RIF1: variants seen among roughly 807,000 people sequenced by gnomAD.
RIF1 encodes telomere-associated protein RIF1.
In RIF1, 45 loss-of-function variants were observed where a neutral mutation model predicts 247.1. The ratio of observed to expected loss-of-function variants is 0.18; its 90% confidence interval spans 0.14 to 0.23. The LOEUF (loss-of-function observed/expected upper bound fraction) is 0.23, where lower values mean the gene tolerates loss of function less well. RIF1 is among the 10% of genes least tolerant of loss of function. RIF1 has a pLI of 1.00. For missense variants in RIF1, 2,967 were observed against 2,862.5 expected, an observed-to-expected ratio of 1.04 and a Z score of -0.83; for synonymous variants, 1,087 against 978.8, an observed-to-expected ratio of 1.11 and a Z score of -2.06.
At chr2:151,499,431 TCAAAACAGCC>T in exon 11 of RIF1, 1 of 1,115,406 alleles carries the variant, frequency 9.0e-7, no homozygotes, top group Non-Finnish European at 1.3e-6. Flanking sequence ...ACAAGAGCAG[TCAAAACAGCC>T]CTTTCATCTA....
Position 151,466,080 on chromosome 2 carries a change from AAAG to A in RIF1, c.6562_6564del (p.Arg2188del). ...ACGAGCATTTTAAAGAGAGGACTAA[AAAG>A]ATCCCAAGAAGATGAAATCTCATCA... On this transcript the variant is annotated inframe_deletion, in exon 30 of 36. Transcript: ENST00000444746. 1 of 1,600,330 alleles carries A rather than the reference AAAG, an allele frequency of 6.2e-7. No individual in the cohort carries two copies. Among genetic ancestry groups the A allele is most frequent in the African/African-American group, 1.3e-5 (1 of 74,330 alleles).
intron 11 of RIF1, chr2:151,501,352 A>AT (rs2064385090): frequency 3.1e-6 from 4 of 1,301,558 alleles, no homozygotes; most frequent in Non-Finnish European, 3.3e-6. Context: ...AGAAATTATT[A>AT]TTTTTTAATA....
Position 151,443,594 on chromosome 2 carries a change from T to C in RIF1, c.1871T>C (p.Phe624Ser). ...TCTGGTCCAACTTCACCACTAGCTT[T>C]CAGTGACTCAGTTTTAAATGTTATT... ...VLSGPTSPLA[F>S]SDSVLNVINQ... The change falls in exon 18 of 36, where the codon TTC becomes TCC. Residue 624 changes from phenylalanine (F) to serine (S), a missense_variant. This residue lies in a region of RIF1 where 369 missense variants were observed against 322.0 expected (regional missense o/e 1.15). Coordinates refer to ENST00000444746, the MANE Select transcript of RIF1 (RefSeq NM_018151.5). 6.2e-7 allele frequency: 1 copy of C among 1,612,382 alleles called. No homozygotes were observed. Among genetic ancestry groups the C allele is most frequent in the Non-Finnish European group, 8.5e-7 (1 of 1,179,414 alleles).
chr2:151,447,992 C>T (rs971641271), intron 20 of RIF1, among the ~76,000 whole-genome samples: 7 of 152,000 alleles, frequency 4.6e-5, no homozygotes, highest in Non-Finnish European at 7.4e-5. Context: ...TAGCTTATAT[C>T]TAACACATAT....
At chr2:151,515,066 G>C in the RIF1 span, 1 of 625,310 alleles carries the variant, frequency 1.6e-6, no homozygotes, top group East Asian at 2.7e-5. Context: ...TCACACATTT[G>C]AAACATGTAT....
rs185862134 is a variant in RIF1 at position 151,503,242 on chromosome 2, G to C, written c.*861+57G>C. ...CAGGTAATAATACACAACACACACA[G>C]ACACACACAGAATTGCTGTTAAGAT... On this transcript the variant is annotated intron_variant and NMD_transcript_variant, in intron 12 of 13. Transcript: ENST00000454583. 6.4e-5 allele frequency: 52 copies of C among 809,614 alleles called. No individual in the cohort carries two copies. In the East Asian group the frequency reaches 7.3e-4, roughly 11 times the overall value. 50.2% of individuals were successfully genotyped at this position (809,614 alleles called of 1,614,324 possible).
chr2:151,465,597 T>A lies in RIF1; in HGVS notation c.6077T>A (p.Ile2026Asn), dbSNP rs751848840. 1.2e-6 allele frequency: 2 copies of A among 1,613,856 alleles called. No individual in the cohort carries two copies. The highest frequency in any genetic ancestry group is 8.5e-7 in the Non-Finnish European group (1 of 1,179,878). ...ATGAAAAATAATGAAGAAATGATGA[T>A]CGGCGAGGCAATGGCTGAAACTGGC... is the stretch of plus-strand genomic sequence containing the variant. ...TKMKNNEEMM[I>N]GEAMAETGHD... Residue 2026 changes from isoleucine (I) to asparagine (N), a missense_variant, in exon 30 of 36, where the codon ATC becomes AAC. Ile to Asn is a moderately radical substitution (Grantham distance 149). Coordinates refer to ENST00000444746, the MANE Select transcript of RIF1 (RefSeq NM_018151.5).
intron 10 of RIF1, among the ~76,000 whole-genome samples, chr2:151,498,546 G>A (rs2061927947): frequency 6.6e-6 from 1 of 152,132 alleles, no homozygotes; most frequent in South Asian, 2.1e-4. Flanking sequence ...GGAAAGAGCA[G>A]CAAAAACTAA....
chr2:151,462,512 C>G (rs372811434), intron 29 of RIF1, 46 bp downstream of exon 29: 13 of 1,232,548 alleles, frequency 1.1e-5, no homozygotes, highest in African/African-American at 6.1e-5. Context: ...ATCACCCTTC[C>G]ATTATACAGT....
chr2:151,453,979 T>G (rs1694787148), intron 21 of RIF1, among the ~76,000 whole-genome samples: 1 of 152,210 alleles, frequency 6.6e-6, no homozygotes, highest in Non-Finnish European at 1.5e-5. Flanking sequence ...ACTTGATCAT[T>G]CACTTGTATG....
At chr2:151,469,110 A>G (rs892856492) in intron 33 of RIF1, among the ~76,000 whole-genome samples, 1 of 152,014 alleles carries the variant, frequency 6.6e-6, no homozygotes, top group Non-Finnish European at 1.5e-5. Context: ...CATCACATGT[A>G]AGAAGCATGA....
chr2:151,454,804 A>T (rs1694929239), intron 21 of RIF1, 91 bp from the exon 22 acceptor site: 1 of 939,148 alleles, frequency 1.1e-6, no homozygotes, highest in Non-Finnish European at 1.6e-6. Context: ...TGTATCTAAC[A>T]TTTAAATGTG....
At chr2:151,462,587 A>G (rs1696354545) in intron 29 of RIF1, 121 bp downstream of exon 29, 1 of 672,110 alleles carries the variant, frequency 1.5e-6, no homozygotes, top group African/African-American at 1.9e-5. Flanking sequence ...TTGTAGATTT[A>G]TTGTATGATT....
At chr2:151,422,600 A>G (rs1044982976) in intron 7 of RIF1, among the ~76,000 whole-genome samples, 3 of 151,836 alleles carry the variant, frequency 2.0e-5, no homozygotes, top group African/African-American at 7.3e-5. Context: ...CCCAGGTTCA[A>G]GCAATTCTCA....
intron 10 of RIF1, chr2:151,497,385 C>CATT: frequency 2.0e-6 from 2 of 979,178 alleles, no homozygotes; most frequent in South Asian, 4.7e-5. Context: ...CTGAAAAACT[C>CATT]ATTATTTTAA....
At chr2:151,433,423 C>A (rs927660118) in intron 10 of RIF1, among the ~76,000 whole-genome samples, 195 bp downstream of exon 10, 2 of 151,992 alleles carry the variant, frequency 1.3e-5, no homozygotes, top group African/African-American at 4.8e-5. Flanking sequence ...TGAAATGGAG[C>A]CCCTTTACCT....
Position 151,455,017 on chromosome 2 carries a change from C to T in RIF1, c.2467C>T (p.His823Tyr). The T allele has an allele frequency of 6.2e-7, 1 of 1,613,936 alleles. No individual in the cohort carries two copies. Among genetic ancestry groups the T allele is most frequent in the South Asian group, 1.1e-5 (1 of 91,078 alleles). Residue 823 changes from histidine to tyrosine, a missense_variant, in exon 22 of 36, where the codon CAT becomes TAT. Around this residue, in one of 7 missense-constraint regions of RIF1, gnomAD observed 2,028 missense variants for 1,825.6 expected, o/e 1.11. Coordinates refer to ENST00000444746, the MANE Select transcript of RIF1 (RefSeq NM_018151.5). ...SFHTLSFKEA[H>Y]SDTLFTIGNS... ...CCACACACTGAGCTTCAAGGAAGCACATTCTGATACCCTCTTCACTATTGG... is the reference window on the plus strand; with the variant it reads ...CCACACACTGAGCTTCAAGGAAGCATATTCTGATACCCTCTTCACTATTGG...
chr2:151,523,475 G>A, the RIF1 span, among the ~76,000 whole-genome samples: 2 of 152,190 alleles, frequency 1.3e-5, no homozygotes, highest in Non-Finnish European at 2.9e-5. Context: ...ACAGATACCT[G>A]AGAGGACAAG....
At chr2:151,506,289 A>G (rs1008569123) in exon 13 of RIF1, 1 of 1,531,362 alleles carries the variant, frequency 6.5e-7, no homozygotes, top group East Asian at 2.3e-5. Flanking sequence ...CAGTGTTAAC[A>G]CAGAAGAAAA....
Sources: gnomAD v4.1 joint callset for allele counts (sites outside exome capture counted in the v4.1 genomes callset) on GRCh38, gnomAD v4.1.1 for gene constraint, gnomAD v4.1.1 regional missense constraint, MANE v1.5 for transcripts, NCBI Gene and HGNC (gene_info 2026-07-23, HGNC 2026-07-21) for gene names.